ITGA9: variants seen among roughly 807,000 people sequenced by gnomAD.
ITGA9 encodes the protein integrin subunit alpha 9, also known as integrin alpha-9.
Under a neutral mutation model 127.8 loss-of-function variants are expected in ITGA9, and 56 were observed. The observed-to-expected ratio is 0.44, with a 90% CI of 0.35 to 0.55. The LOEUF (loss-of-function observed/expected upper bound fraction) is 0.55. Among genes scored for constraint, ITGA9 ranks in the 20% least tolerant of loss-of-function variants. The probability of loss-of-function intolerance (pLI) is 0.00; values close to 1 mark genes in which losing one functional copy is unlikely to be tolerated. For synonymous variants in ITGA9, 508 were observed against 514.5 expected, an observed-to-expected ratio of 0.99 and a Z score of 0.17; for missense variants, 1,196 against 1,347.1, an observed-to-expected ratio of 0.89 and a Z score of 1.76.
chr3:37,584,388 T>C (rs966914376), intron 15 of ITGA9, among the ~76,000 whole-genome samples: 2 of 151,920 alleles, frequency 1.3e-5, no homozygotes, highest in African/African-American at 4.8e-5. Flanking sequence ...AGTGGGGAAA[T>C]AGAGTAGAAA....
intron 15 of ITGA9, among the ~76,000 whole-genome samples, chr3:37,616,820 G>T (rs1208385386): frequency 2.0e-5 from 3 of 152,196 alleles, no homozygotes; most frequent in African/African-American, 7.2e-5. Context: ...TTGCTTGGTA[G>T]ATCTTCCTCC....
At chr3:37,567,218 AAGAG>A (rs572245630) in intron 15 of ITGA9, among the ~76,000 whole-genome samples, 16 of 152,318 alleles carry the variant, frequency 1.1e-4, no homozygotes, top group African/African-American at 3.8e-4. Flanking sequence ...GTGGCAGGCA[AAGAG>A]AGAGAACTTG....
intron 15 of ITGA9, among the ~76,000 whole-genome samples, chr3:37,619,294 T>G (rs999180606): frequency 6.6e-6 from 1 of 152,088 alleles, no homozygotes; most frequent in African/African-American, 2.4e-5. Flanking sequence ...TCTCACCTCT[T>G]TAGGAATTTT....
intron 18 of ITGA9, among the ~76,000 whole-genome samples, chr3:37,702,962 A>T (rs2125673775): frequency 6.6e-6 from 1 of 152,092 alleles, no homozygotes; most frequent in Admixed American, 6.5e-5. Context: ...AATGCACAGG[A>T]AAAGAGCTCT....
intron 15 of ITGA9, among the ~76,000 whole-genome samples, chr3:37,578,462 A>G (rs901572154): frequency 6.6e-6 from 1 of 152,186 alleles, no homozygotes; most frequent in Admixed American, 6.5e-5. Context: ...CAAGGAAGAC[A>G]GCAGCTGTCC....
At chr3:37,634,637 CAGTACATTA>C (rs563669702) in intron 16 of ITGA9, among the ~76,000 whole-genome samples, 4 of 152,210 alleles carry the variant, frequency 2.6e-5, no homozygotes, top group Admixed American at 2.6e-4. Flanking sequence ...AGATAGATTG[CAGTACATTA>C]ATATTAGGGA....
chr3:37,471,068 G>A lies in ITGA9; in HGVS notation c.247G>A (p.Ala83Thr). 1 of 1,614,126 alleles carries A rather than the reference G, an allele frequency of 6.2e-7. No individual in the cohort carries two copies. Among genetic ancestry groups the A allele is most frequent in the Non-Finnish European group, 8.5e-7 (1 of 1,180,018 alleles). Residue 83 changes from alanine (A) to threonine (T), a missense_variant, in exon 2 of 28, where the codon GCT (alanine) becomes ACT (threonine). Transcript: ENST00000264741. ...KYSPSVKSPG[A>T]VFKCRVHTNP... Reference sequence around the variant, plus strand: ...CAGCCCTTCAGTGAAGTCTCCTGGGGCTGTGTTTAAGTGCCGTGTTCACAC... The same window carrying A: ...CAGCCCTTCAGTGAAGTCTCCTGGGACTGTGTTTAAGTGCCGTGTTCACAC...
chr3:37,482,255 C>T (rs974913566), intron 4 of ITGA9, among the ~76,000 whole-genome samples: 5 of 152,306 alleles, frequency 3.3e-5, no homozygotes, highest in African/African-American at 4.8e-5. Flanking sequence ...GAGAATTGGG[C>T]GCATCCTGAA....
At chr3:37,588,483 A>G (rs1330429935) in intron 15 of ITGA9, among the ~76,000 whole-genome samples, 1 of 152,226 alleles carries the variant, frequency 6.6e-6, no homozygotes, top group Non-Finnish European at 1.5e-5. Flanking sequence ...TTTACAGTGC[A>G]GGGGACAAAC....
chr3:37,532,040 G>T (rs889807680), intron 13 of ITGA9, among the ~76,000 whole-genome samples: 1 of 152,144 alleles, frequency 6.6e-6, no homozygotes, highest in African/African-American at 2.4e-5. Context: ...CTGGCCAGGG[G>T]TAAGAGATCC....
intron 15 of ITGA9, among the ~76,000 whole-genome samples, chr3:37,614,668 G>A (rs1174739970): frequency 1.3e-5 from 2 of 151,756 alleles, no homozygotes; most frequent in Non-Finnish European, 2.9e-5. Flanking sequence ...TTCTCCTTGA[G>A]GAGGTCCTTC....
intron 15 of ITGA9, among the ~76,000 whole-genome samples, chr3:37,548,926 C>A (rs1389635424): frequency 6.6e-6 from 1 of 152,166 alleles, no homozygotes; most frequent in East Asian, 1.9e-4. Context: ...GAAACTAGGG[C>A]AAGAAAAGAG....
intron 18 of ITGA9, among the ~76,000 whole-genome samples, chr3:37,721,291 A>AT (rs1337941515): frequency 4.0e-5 from 6 of 151,566 alleles, no homozygotes; most frequent in African/African-American, 9.7e-5. Flanking sequence ...GCTAATTTTT[A>AT]TTTTTGTTGA....
In ITGA9 at chr3:37,814,293, C is replaced by T. The variant is rs150544372; in HGVS notation, c.3010-4598C>T. Among the ~76,000 whole-genome samples the T allele has an allele frequency of 1.4e-3, 206 of 152,304 alleles. 1 individual carries two copies. The highest frequency in any genetic ancestry group is 4.9e-3 in the African/African-American group (203 of 41,564). On this transcript the variant is annotated intron_variant, in intron 27 of 27. Coordinates refer to ENST00000264741, the MANE Select transcript of ITGA9 (RefSeq NM_002207.3). The surrounding 1 kb of genome is among the most constrained non-coding windows in gnomAD (Gnocchi z 4.3). ...GAAAATAACCTTCCCAGGCTGGGCG[C>T]GGTGGCTCACACCTGTAATCCCAGC...
chr3:37,598,945 T>C (rs1699892830), intron 15 of ITGA9, among the ~76,000 whole-genome samples: 1 of 152,172 alleles, frequency 6.6e-6, no homozygotes, highest in Admixed American at 6.5e-5. Flanking sequence ...CTTTCCTTTG[T>C]TACTTTTCAT....
At chr3:37,523,470 T>C (rs1579085305) in intron 11 of ITGA9, 51 bp from the exon 12 acceptor site, 6 of 1,375,762 alleles carry the variant, frequency 4.4e-6, no homozygotes, top group Non-Finnish European at 6.2e-6. Flanking sequence ...CAGTTCTTAT[T>C]TGTGACTGTG....
intron 17 of ITGA9, among the ~76,000 whole-genome samples, chr3:37,683,084 C>G (rs1257004333): frequency 6.6e-6 from 1 of 152,246 alleles, no homozygotes; most frequent in Non-Finnish European, 1.5e-5. Flanking sequence ...TGCTGGCCCT[C>G]AAGGCCCTGT....
In ITGA9 at chr3:37,494,493, C is replaced by G. The variant is rs2507940; in HGVS notation, c.545-8C>G. The G allele has an allele frequency of 0.57, 909,828 of 1,596,584 alleles. 265,531 individuals carry two copies. Among genetic ancestry groups the G allele is most frequent in the East Asian group, 0.78 (34,879 of 44,754 alleles). ...GTGGTTTGCTTCTCTCTCCTTCCTT[C>G]CCCCTAGAGTATAAGAAGAAGTACG... is the stretch of plus-strand genomic sequence containing the variant. On this transcript the variant is annotated splice_polypyrimidine_tract_variant and splice_region_variant and intron_variant, in intron 4 of 27. Coordinates refer to ENST00000264741, the MANE Select transcript of ITGA9 (RefSeq NM_002207.3).
intron 16 of ITGA9, among the ~76,000 whole-genome samples, chr3:37,632,862 A>G (rs1346170135): frequency 6.6e-6 from 1 of 152,254 alleles, no homozygotes; most frequent in Non-Finnish European, 1.5e-5. Context: ...TTTTGAAATT[A>G]GAATTTTGTT....
Sources: gnomAD v4.1 joint callset for allele counts (sites outside exome capture counted in the v4.1 genomes callset) on GRCh38, gnomAD v4.1.1 for gene constraint, Gnocchi (gnomAD v3.1) non-coding constraint, MANE v1.5 for transcripts, NCBI Gene and HGNC (gene_info 2026-07-23, HGNC 2026-07-21) for gene names.